The following AP1B1 variants were observed in gnomAD, a reference collection of about 807,000 sequenced individuals.
The protein encoded by AP1B1 is AP-1 complex subunit beta-1.
In AP1B1, 36 loss-of-function variants were observed where a neutral mutation model predicts 104.3. The ratio of observed to expected loss-of-function variants is 0.35; its 90% CI spans 0.26 to 0.46. The LOEUF (loss-of-function observed/expected upper bound fraction) is 0.46. Ranked by LOEUF, AP1B1 falls within the 20% of genes least tolerant of loss-of-function variation. AP1B1 has a pLI of 1.00. For synonymous variants in AP1B1, 504 were observed against 517.5 expected, an observed-to-expected ratio of 0.97 and a Z score of 0.35; for missense variants, 901 against 1,247.9, an observed-to-expected ratio of 0.72 and a Z score of 4.19.
rs775709406 is a variant in AP1B1 at position 29,367,208 on chromosome 22, T to C, written c.36A>G (p.Lys12=). 1.2e-6 allele frequency: 2 copies of C among 1,608,334 alleles called. No homozygotes were observed. The stretch of plus-strand genomic sequence containing the variant: ...GGCCCATTATTAAACAAGTAATACC[T>C]TTCTTGGTCGTGGTGAAATATTTTG... The part of the protein sequence containing the change: ...TDSKYFTTTK[K]GEIFELKAEL... The change falls in exon 2 of 23, where the codon AAA becomes AAG. Residue 12 remains lysine (K), a splice_region_variant and synonymous_variant. Transcript: ENST00000357586.
At chr22:29,339,667 CACCCGCCCCCGCCCCTTGG>C in intron 15 of AP1B1, 68 bp downstream of exon 15, 1 of 1,446,496 alleles carries the variant, frequency 6.9e-7, no homozygotes. Context: ...GCTGTGACAT[CACCCGCCCCCGCCCCTTGG>C]GATGCTGGGC....
At chr22:29,361,694 T>C (rs978879495) in intron 3 of AP1B1, among the ~76,000 whole-genome samples, 29 of 152,286 alleles carry the variant, frequency 1.9e-4, no homozygotes, top group African/African-American at 6.7e-4. Flanking sequence ...AAGAGAACAG[T>C]TTCCATTTAG....
intron 1 of AP1B1, among the ~76,000 whole-genome samples, chr22:29,374,838 T>C (rs2062307858): frequency 6.6e-6 from 1 of 152,182 alleles, no homozygotes. Flanking sequence ...AGCAAAATAC[T>C]GTAAATGTCC....
In AP1B1 at chr22:29,359,530, A is replaced by G. The variant is rs573198812; in HGVS notation, c.279+294T>C. On this transcript the variant is annotated intron_variant, in intron 4 of 22. Coordinates refer to ENST00000357586, the MANE Select transcript of AP1B1 (RefSeq NM_001127.4). ...AAGGGCAACAGAGAAGCTCTCGGGC[A>G]CCTGCTGATTCCTGCCCTAGCAAAG... 3 of 332,450 alleles carry G rather than the reference A, an allele frequency of 9.0e-6. No homozygotes were observed. The East Asian group carries it at 1.5e-4, about 17-fold the overall frequency. The allele number at this position is 332,450 out of a possible 1,614,324, so 20.6% of individuals were successfully genotyped here.
chr22:29,350,449 T>A (rs1329770885), intron 9 of AP1B1, among the ~76,000 whole-genome samples: 1 of 152,158 alleles, frequency 6.6e-6, no homozygotes, highest in Non-Finnish European at 1.5e-5. Context: ...GTGACTACGC[T>A]GCAGTCCAAC....
At chr22:29,382,406 T>C (rs1024852651) in intron 1 of AP1B1, among the ~76,000 whole-genome samples, 6 of 152,210 alleles carry the variant, frequency 3.9e-5, no homozygotes, top group Admixed American at 6.5e-5. Context: ...TTCTTATTCA[T>C]ACATTTCCTG....
rs2062013271 is a variant in AP1B1 at position 29,359,680 on chromosome 22, G to A, written c.279+144C>T. 2.3e-5 allele frequency: 23 copies of A among 1,014,912 alleles called. No homozygotes were observed. The South Asian group carries it at 3.9e-4, about 17-fold the overall frequency. 62.9% of individuals were successfully genotyped at this position (1,014,912 alleles called of 1,614,324 possible). Reference sequence around the variant, plus strand: ...TGGAGAGTGGGAGCCCTCTGCTGGAGGAAGAGGCCTGCAGGCTGGGCGGGC... The same window carrying A: ...TGGAGAGTGGGAGCCCTCTGCTGGAAGAAGAGGCCTGCAGGCTGGGCGGGC... On this transcript the variant is annotated intron_variant, in intron 4 of 22. Transcript: ENST00000357586.
chr22:29,371,408 G>T (rs1310564584), intron 1 of AP1B1, among the ~76,000 whole-genome samples: 1 of 152,214 alleles, frequency 6.6e-6, no homozygotes, highest in Non-Finnish European at 1.5e-5. Context: ...GTTCTCTGAT[G>T]AATCTGATCG....
chr22:29,386,953 CAA>C (rs1212008448), intron 1 of AP1B1, among the ~76,000 whole-genome samples: 1 of 152,236 alleles, frequency 6.6e-6, no homozygotes, highest in Non-Finnish European at 1.5e-5. Context: ...CTCAGAAAGG[CAA>C]AGATTCTTCC....
chr22:29,370,972 C>A (rs181007710), intron 1 of AP1B1, among the ~76,000 whole-genome samples: 16 of 152,268 alleles, frequency 1.1e-4, no homozygotes, highest in Admixed American at 2.6e-4. Context: ...GAAATGTATC[C>A]CTCTGAAGTT....
rs529631754 is a variant in AP1B1, at chr22:29,334,514, C to T, written c.2164-104G>A. On this transcript the variant is annotated intron_variant, in intron 16 of 22. Coordinates refer to ENST00000357586, the MANE Select transcript of AP1B1 (RefSeq NM_001127.4). The stretch of plus-strand genomic sequence containing the variant: ...TTTTTCTCTCTCTCTCCTGCAGGGG[C>T]CTCCCAGATCCAGCACCCCCACCTT... 13 of 1,290,010 alleles carry T rather than the reference C, an allele frequency of 1.0e-5. No homozygotes were observed. In the East Asian group the frequency reaches 3.2e-4, roughly 31 times the overall value. 79.9% of individuals were successfully genotyped at this position (1,290,010 alleles called of 1,614,324 possible).
At chr22:29,329,229 G>C in intron 22 of AP1B1, 1 of 1,207,486 alleles carries the variant, frequency 8.3e-7, no homozygotes, top group Non-Finnish European at 1.0e-6. Flanking sequence ...AGTCCCTGAA[G>C]GTCTGGGGTC....
chr22:29,334,517 C>A, intron 16 of AP1B1, 107 bp from the exon 17 acceptor site: 1 of 1,278,962 alleles, frequency 7.8e-7, no homozygotes, highest in Non-Finnish European at 1.0e-6. Context: ...GCAGGGGCCT[C>A]CCAGATCCAG....
At chr22:29,371,910 C>CT (rs1355767601) in intron 1 of AP1B1, among the ~76,000 whole-genome samples, 1 of 152,152 alleles carries the variant, frequency 6.6e-6, no homozygotes, top group East Asian at 1.9e-4. Context: ...GGATCCCCCC[C>CT]TCAATTTCAG....
At chr22:29,382,816 T>C (rs2062458512) in intron 1 of AP1B1, among the ~76,000 whole-genome samples, 1 of 152,066 alleles carries the variant, frequency 6.6e-6, no homozygotes. Flanking sequence ...AGGAAAACAG[T>C]GGGTCAGGAA....
chr22:29,336,572 C>T (rs2147944503), intron 16 of AP1B1, among the ~76,000 whole-genome samples: 1 of 151,600 alleles, frequency 6.6e-6, no homozygotes, highest in East Asian at 1.9e-4. Flanking sequence ...GAGGCCGAGG[C>T]AGGTGGATCA....
Position 29,328,879 on chromosome 22 carries a change from C to T in AP1B1, c.2792G>A (p.Arg931Gln), listed in dbSNP as rs375322836. ...CTDLELSLKC[R>Q]APEVSQHVYQ... is the part of the protein sequence containing the mutation. ...CACGTGCTGGGACACCTCTGGTGCTCGACACTTCAGGGACAGCTGCAGGGG... is the reference window on the plus strand; with the variant it reads ...CACGTGCTGGGACACCTCTGGTGCTTGACACTTCAGGGACAGCTGCAGGGG... The change falls in exon 23 of 23, where the codon CGA (arginine) becomes CAA (glutamine). Residue 931 changes from arginine to glutamine, a missense_variant. Physicochemically the swap from Arg to Gln is conservative, Grantham distance 43. Coordinates refer to ENST00000357586, the MANE Select transcript of AP1B1 (RefSeq NM_001127.4). This position sits in a 1 kb window ranked among gnomAD's most constrained non-coding sequence, Gnocchi z 4.1. The T allele has an allele frequency of 6.8e-5, 110 of 1,608,966 alleles. No homozygotes were observed. Among genetic ancestry groups the T allele is most frequent in the Middle Eastern group, 1.9e-4 (1 of 5,132 alleles).
At chr22:29,331,333 C>T (rs150764631) in intron 19 of AP1B1, 116 bp downstream of exon 19, 13 of 1,044,584 alleles carry the variant, frequency 1.2e-5, no homozygotes, top group African/African-American at 4.7e-5. Context: ...AGCAACTCCC[C>T]GACTCCATTT....
At chr22:29,388,225 G>A (rs901242991) in intron 1 of AP1B1, among the ~76,000 whole-genome samples, 199 bp downstream of exon 1, 4 of 152,154 alleles carry the variant, frequency 2.6e-5, no homozygotes, top group African/African-American at 9.6e-5. Flanking sequence ...GGCGGCCGAG[G>A]AACAGGCCGG....
Sources: allele counts gnomAD v4.1 joint callset (sites outside exome capture counted in the v4.1 genomes callset), GRCh38; gene constraint gnomAD v4.1.1; non-coding constraint Gnocchi (gnomAD v3.1); transcripts MANE v1.5; gene names NCBI Gene and HGNC (gene_info 2026-07-23, HGNC 2026-07-21).